The following TEX14 variants were observed in gnomAD, a reference collection of about 807,000 sequenced individuals.
The protein encoded by TEX14 is testis expressed 14, intercellular bridge forming factor, also known as inactive serine/threonine-protein kinase TEX14.
A neutral mutation model predicts 178.6 loss-of-function variants in TEX14; 168 were observed. That is an observed-to-expected ratio of 0.94 (90% CI 0.83 to 1.07). The LOEUF (loss-of-function observed/expected upper bound fraction) is 1.07, where lower values mean the gene tolerates loss of function less well. TEX14 is among the 50% of genes least tolerant of loss of function. The pLI is 0.00. For synonymous variants in TEX14, 626 were observed against 634.1 expected (o/e 0.99, Z 0.19); for missense variants, 1,730 against 1,753.6 (o/e 0.99, Z 0.24).
chr17:58,605,900 G>A (rs1598380074), intron 10 of TEX14, among the ~76,000 whole-genome samples: 1 of 152,234 alleles, frequency 6.6e-6, no homozygotes, highest in Non-Finnish European at 1.5e-5. Context: ...ATGAGAGTAG[G>A]CAACTCATCT....
intron 14 of TEX14, among the ~76,000 whole-genome samples, chr17:58,598,310 G>A (rs556002810): frequency 1.7e-4 from 23 of 139,104 alleles, no homozygotes; most frequent in South Asian, 1.6e-3. Context: ...ACAAAACTCT[G>A]TCTCCAAAAA....
chr17:58,595,061 A>G (rs1029281901), intron 14 of TEX14, among the ~76,000 whole-genome samples: 11 of 152,212 alleles, frequency 7.2e-5, no homozygotes, highest in African/African-American at 2.7e-4. Flanking sequence ...GCCCTATATC[A>G]TGATGCTTCA....
At chr17:58,573,967 TATG>T (rs2044606788) in intron 22 of TEX14, among the ~76,000 whole-genome samples, 2 of 152,226 alleles carry the variant, frequency 1.3e-5, no homozygotes, top group African/African-American at 2.4e-5. Flanking sequence ...TTATTATTAT[TATG>T]ATTATTATTA....
chr17:58,632,822 G>A (rs1041737406), intron 2 of TEX14, among the ~76,000 whole-genome samples: 1 of 152,090 alleles, frequency 6.6e-6, no homozygotes, highest in African/African-American at 2.4e-5. Context: ...AAACTTAGGC[G>A]ACATCCGGAA....
chr17:58,615,735 G>A (rs535269326), intron 7 of TEX14, among the ~76,000 whole-genome samples: 12 of 151,874 alleles, frequency 7.9e-5, no homozygotes, highest in African/African-American at 2.2e-4. Context: ...GCTTCTATAG[G>A]GGCCTCATTA....
chr17:58,575,475 G>A (rs571923923), intron 21 of TEX14, among the ~76,000 whole-genome samples: 1 of 152,294 alleles, frequency 6.6e-6, no homozygotes, highest in South Asian at 2.1e-4. Flanking sequence ...GAAAGATCAT[G>A]GATTTGGGGT....
At chr17:58,605,857 T>C (rs2045594393) in intron 10 of TEX14, among the ~76,000 whole-genome samples, 1 of 152,216 alleles carries the variant, frequency 6.6e-6, no homozygotes, top group Non-Finnish European at 1.5e-5. Context: ...ATTTAGTTTA[T>C]CTGTCTCCCC....
intron 1 of TEX14, among the ~76,000 whole-genome samples, chr17:58,657,451 G>A (rs893320654): frequency 2.1e-5 from 3 of 141,922 alleles, no homozygotes; most frequent in Admixed American, 7.2e-5. Flanking sequence ...ACTGGTGTTT[G>A]TGTCTTTGTC....
At chr17:58,643,707 T>TA (rs972359558) in intron 2 of TEX14, among the ~76,000 whole-genome samples, 4 of 150,806 alleles carry the variant, frequency 2.7e-5, no homozygotes, top group Middle Eastern at 3.4e-3. Flanking sequence ...CCATTTCTAC[T>TA]AAAAAAACAC....
intron 1 of TEX14, chr17:58,661,522 G>C (rs755390573): frequency 1.3e-6 from 1 of 778,420 alleles, no homozygotes; most frequent in African/African-American, 1.7e-5. Context: ...CTTCGACTTC[G>C]TCCAGAAGCT....
Position 58,622,918 on chromosome 17 carries a change from G to T in TEX14, c.346C>A (p.Arg116=), listed in dbSNP as rs776974997. Reference sequence around the variant, plus strand: ...TTTTGACCCCTCTCATCGTGGAGTCGCAGGTCACCTCCTGCATCCAGCAGT... The same window carrying T: ...TTTTGACCCCTCTCATCGTGGAGTCTCAGGTCACCTCCTGCATCCAGCAGT... ...SKLLDAGGDL[R]LHDERGQNPK... The change falls in exon 4 of 32, where the codon CGA becomes AGA. Residue 116 remains arginine (R), a synonymous_variant. Coordinates refer to ENST00000349033, the MANE Select transcript of TEX14 (RefSeq NM_031272.5). The T allele has an allele frequency of 8.1e-6, 13 of 1,612,990 alleles. No individual in the cohort carries two copies. Among genetic ancestry groups the T allele is most frequent in the Admixed American group, 3.3e-5 (2 of 59,956 alleles).
At chr17:58,633,872 G>A (rs1350306968) in intron 2 of TEX14, among the ~76,000 whole-genome samples, 1 of 151,710 alleles carries the variant, frequency 6.6e-6, no homozygotes, top group African/African-American at 2.4e-5. Context: ...GGAGGCTGAG[G>A]CAGGAGAATC....
chr17:58,691,740 G>A (rs1472353409), intron 1 of TEX14, among the ~76,000 whole-genome samples, 199 bp downstream of exon 1: 2 of 150,778 alleles, frequency 1.3e-5, no homozygotes, highest in African/African-American at 4.9e-5. Context: ...CACTCACCTA[G>A]GCAAGGAAGG....
At chr17:58,648,785 TC>T (rs374606786) in intron 2 of TEX14, among the ~76,000 whole-genome samples, 1 of 138,702 alleles carries the variant, frequency 7.2e-6, no homozygotes, top group African/African-American at 2.7e-5. Context: ...TCTTTTTTTT[TC>T]TTTTTTTTTT....
intron 21 of TEX14, 93 bp from the exon 22 acceptor site, chr17:58,574,342 T>C (rs1274967973): frequency 3.2e-6 from 3 of 952,134 alleles, no homozygotes; most frequent in African/African-American, 3.2e-5. Context: ...ATCAGCCCAG[T>C]GTGAGACGCA....
At chr17:58,596,368 A>C (rs1008538810) in intron 14 of TEX14, among the ~76,000 whole-genome samples, 3 of 152,002 alleles carry the variant, frequency 2.0e-5, no homozygotes, top group African/African-American at 7.2e-5. Context: ...TGTAATCTCA[A>C]CTTCCTGAGC....
At position 58,689,658 on chromosome 17, in the gene TEX14, AT is replaced by A. The variant is rs549008049; in HGVS notation, c.-2+2280del. Among the ~76,000 whole-genome samples the A allele has an allele frequency of 2.6e-5, 4 of 152,108 alleles. No homozygotes were observed. In the East Asian group the frequency reaches 5.8e-4, roughly 22 times the overall value. On this transcript the variant is annotated intron_variant, in intron 1 of 31. Coordinates refer to ENST00000349033, the MANE Select transcript of TEX14 (RefSeq NM_031272.5). ...CATTTAACTCTTCCCTCCCTGAAAG[AT>A]TTTTTTTGAGAAAAGTGATTACACA...
chr17:58,575,242 G>A (rs1379697502), intron 21 of TEX14, among the ~76,000 whole-genome samples: 1 of 151,474 alleles, frequency 6.6e-6, no homozygotes, highest in African/African-American at 2.4e-5. Flanking sequence ...AGCCTCCCAA[G>A]TAGCTGGCAT....
chr17:58,585,793 G>A lies in TEX14; in HGVS notation c.3070+8C>T. On this transcript the variant is annotated splice_region_variant and intron_variant, in intron 18 of 31. Transcript: ENST00000349033. ...TTCACCTATCCTGATTCCCGCAAGTGAACTTACTGGTGAAGCTTCCAAGCC... is the reference window on the plus strand; with the variant it reads ...TTCACCTATCCTGATTCCCGCAAGTAAACTTACTGGTGAAGCTTCCAAGCC... 5 of 1,613,410 alleles carry A rather than the reference G, an allele frequency of 3.1e-6. No individual in the cohort carries two copies. The highest frequency in any genetic ancestry group is 4.2e-6 in the Non-Finnish European group (5 of 1,179,546).
Sources: allele counts gnomAD v4.1 joint callset (sites outside exome capture counted in the v4.1 genomes callset), GRCh38; gene constraint gnomAD v4.1.1; transcripts MANE v1.5; gene names NCBI Gene and HGNC (gene_info 2026-07-23, HGNC 2026-07-21).